The following CLINT1 variants were observed in gnomAD, a reference collection of about 807,000 sequenced individuals.
The protein encoded by CLINT1 is clathrin interactor 1.
A neutral mutation model predicts 70.4 loss-of-function variants in CLINT1; 15 were observed. The ratio of observed to expected loss-of-function variants is 0.21; its 90% CI spans 0.14 to 0.33. CLINT1 has a LOEUF of 0.33. CLINT1 is among the 10% of genes least tolerant of loss of function. The pLI, the probability that CLINT1 is intolerant of heterozygous loss-of-function variation, is 1.00. For missense variants in CLINT1, 615 were observed against 778.1 expected (o/e 0.79, Z 2.49); for synonymous variants, 227 against 254.7 (o/e 0.89, Z 1.04).
At chr5:157,845,656 A>C (rs907547084) in intron 1 of CLINT1, among the ~76,000 whole-genome samples, 3 of 149,016 alleles carry the variant, frequency 2.0e-5, no homozygotes, top group African/African-American at 7.4e-5. Flanking sequence ...GGTTCACGCC[A>C]TTCTCCTGCC....
intron 5 of CLINT1, among the ~76,000 whole-genome samples, chr5:157,810,560 C>T (rs1183641973): frequency 6.6e-6 from 1 of 152,072 alleles, no homozygotes. Context: ...GAGAATAGAT[C>T]GTGGCAGTAA....
chr5:157,806,598 T>C (rs1163675517), intron 6 of CLINT1, among the ~76,000 whole-genome samples: 5 of 152,118 alleles, frequency 3.3e-5, no homozygotes, highest in Non-Finnish European at 2.9e-5. Flanking sequence ...AATAAAATAA[T>C]AAAAGTTCAA....
chr5:157,824,564 C>T (rs1047394816), intron 1 of CLINT1, among the ~76,000 whole-genome samples: 6 of 152,094 alleles, frequency 3.9e-5, no homozygotes, highest in African/African-American at 1.4e-4. Flanking sequence ...TTAACACAAG[C>T]GACAACATAG....
intron 6 of CLINT1, 122 bp from the exon 7 acceptor site, chr5:157,806,234 T>G (rs1262356828): frequency 7.5e-6 from 7 of 933,148 alleles, no homozygotes; most frequent in Non-Finnish European, 1.1e-5. Flanking sequence ...TTTGACTACT[T>G]GACAGGGATC....
At chr5:157,844,256 A>T (rs2113309110) in intron 1 of CLINT1, among the ~76,000 whole-genome samples, 1 of 152,318 alleles carries the variant, frequency 6.6e-6, no homozygotes, top group African/African-American at 2.4e-5. Context: ...AAAAAGAAAC[A>T]TTTATATCTC....
chr5:157,828,512 A>C (rs1347901870), intron 1 of CLINT1, among the ~76,000 whole-genome samples: 1 of 152,146 alleles, frequency 6.6e-6, no homozygotes, highest in East Asian at 1.9e-4. Context: ...CATGTGAGCA[A>C]AGCCCGGAAG....
chr5:157,845,186 T>TA (rs1407366826), intron 1 of CLINT1, among the ~76,000 whole-genome samples: 2 of 151,928 alleles, frequency 1.3e-5, no homozygotes, highest in Non-Finnish European at 2.9e-5. Flanking sequence ...CTGTCTCTAT[T>TA]AAAAATACAA....
chr5:157,804,832 C>G (rs1325340910), intron 7 of CLINT1, among the ~76,000 whole-genome samples: 1 of 152,032 alleles, frequency 6.6e-6, no homozygotes, highest in Non-Finnish European at 1.5e-5. Flanking sequence ...GAGGCTGAGG[C>G]AGGAGAATCA....
chr5:157,839,391 A>T (rs879267024), intron 1 of CLINT1, among the ~76,000 whole-genome samples: 12 of 152,222 alleles, frequency 7.9e-5, no homozygotes, highest in Non-Finnish European at 1.6e-4. Context: ...ACTTGAAGCC[A>T]GGGGTTCAGG....
rs139886358 is a variant in CLINT1 at position 157,798,755 on chromosome 5, T to C, written c.1013-3783A>G. Among the ~76,000 whole-genome samples the C allele has an allele frequency of 1.2e-3, 190 of 152,206 alleles. 2 individuals carry two copies. Among genetic ancestry groups the C allele is most frequent in the Middle Eastern group, 6.9e-3 (2 of 290 alleles). On this transcript the variant is annotated intron_variant, in intron 8 of 11. Transcript: ENST00000411809. ...CAATGCAAAATAAAATGAAATATTA[T>C]TTTCTCTTTACCAAACTGAAAAAGC...
At chr5:157,856,985 A>G (rs866866776) in intron 1 of CLINT1, among the ~76,000 whole-genome samples, 3 of 152,338 alleles carry the variant, frequency 2.0e-5, no homozygotes, top group African/African-American at 7.2e-5. Flanking sequence ...CTGTCTTACG[A>G]ACAATGTACA....
chr5:157,789,104 T>C (rs1761823503), intron 11 of CLINT1, among the ~76,000 whole-genome samples: 1 of 152,100 alleles, frequency 6.6e-6, no homozygotes, highest in African/African-American at 2.4e-5. Flanking sequence ...GTATAGCAAA[T>C]TTTTATTTTA....
At chr5:157,829,933 T>C (rs1763170313) in intron 1 of CLINT1, among the ~76,000 whole-genome samples, 1 of 152,080 alleles carries the variant, frequency 6.6e-6, no homozygotes, top group Non-Finnish European at 1.5e-5. Flanking sequence ...TGGTATATGC[T>C]ATTCTAAAAA....
At chr5:157,842,439 C>T (rs180813136) in intron 1 of CLINT1, among the ~76,000 whole-genome samples, 91 of 152,246 alleles carry the variant, frequency 6.0e-4, no homozygotes, top group Middle Eastern at 3.4e-3. Context: ...GGTGATACAG[C>T]GAGACTCCAG....
intron 1 of CLINT1, among the ~76,000 whole-genome samples, chr5:157,822,036 GCACA>G (rs1418556606): frequency 2.6e-5 from 4 of 151,986 alleles, no homozygotes; most frequent in Non-Finnish European, 5.9e-5. Flanking sequence ...CTCAAGTTTT[GCACA>G]CATGCTTTGA....
At chr5:157,851,218 T>C (rs576874624) in intron 1 of CLINT1, among the ~76,000 whole-genome samples, 1 of 152,240 alleles carries the variant, frequency 6.6e-6, no homozygotes, top group Non-Finnish European at 1.5e-5. Context: ...TATAAGCTAT[T>C]TGAATGAGAA....
intron 5 of CLINT1, among the ~76,000 whole-genome samples, chr5:157,811,529 CAAA>C (rs202176248): frequency 6.3e-5 from 6 of 95,018 alleles, no homozygotes; most frequent in South Asian, 3.3e-4. Flanking sequence ...CAAGAATCCT[CAAA>C]AAAAAAAAAA....
At chr5:157,832,354 T>C (rs1763273429) in intron 1 of CLINT1, among the ~76,000 whole-genome samples, 1 of 152,188 alleles carries the variant, frequency 6.6e-6, no homozygotes, top group African/African-American at 2.4e-5. Flanking sequence ...GAGAAGTAAA[T>C]AAAGGTAGTT....
At chr5:157,827,544 C>T (rs142452443) in intron 1 of CLINT1, among the ~76,000 whole-genome samples, 2,503 of 152,208 alleles carry the variant, frequency 0.016, 33 homozygotes, top group Admixed American at 0.031. Flanking sequence ...AACTCTTGAT[C>T]GCTATTAAAC....
Sources: gnomAD v4.1 joint callset for allele counts (sites outside exome capture counted in the v4.1 genomes callset) on GRCh38, gnomAD v4.1.1 for gene constraint, MANE v1.5 for transcripts, NCBI Gene and HGNC (gene_info 2026-07-23, HGNC 2026-07-21) for gene names.